TP53INP1: variants seen among roughly 807,000 people sequenced by gnomAD.
TP53INP1 encodes tumor protein p53-inducible nuclear protein 1.
TP53INP1 carries 12 observed loss-of-function variants against 21.0 expected under a neutral mutation model. The observed-to-expected ratio is 0.57, with a 90% CI of 0.37 to 0.93. The LOEUF (loss-of-function observed/expected upper bound fraction) is 0.93, where lower values mean the gene tolerates loss of function less well. Among genes scored for constraint, TP53INP1 ranks in the 40% least tolerant of loss-of-function variants. The probability of loss-of-function intolerance (pLI) is 0.01; values close to 1 mark genes in which losing one functional copy is unlikely to be tolerated. For missense variants in TP53INP1, 274 were observed against 294.7 expected (o/e 0.93, Z 0.51); for synonymous variants, 91 against 94.8 (o/e 0.96, Z 0.23).
chr8:94,937,550 A>C (rs1263034658), intron 3 of TP53INP1, among the ~76,000 whole-genome samples: 1 of 151,982 alleles, frequency 6.6e-6, no homozygotes, highest in Non-Finnish European at 1.5e-5. Context: ...AGGGATGGGG[A>C]GGAGGATGCT....
intron 1 of TP53INP1, among the ~76,000 whole-genome samples, chr8:94,941,438 T>C (rs1301888358): frequency 1.3e-5 from 2 of 152,220 alleles, no homozygotes; most frequent in Non-Finnish European, 2.9e-5. Flanking sequence ...CTATATGTTA[T>C]TCAACTGCTC....
At chr8:94,944,037 G>A (rs1236235621) in intron 1 of TP53INP1, among the ~76,000 whole-genome samples, 1 of 152,214 alleles carries the variant, frequency 6.6e-6, no homozygotes, top group Non-Finnish European at 1.5e-5. Flanking sequence ...GAGGATACAT[G>A]CTTAGAGGGA....
intron 3 of TP53INP1, among the ~76,000 whole-genome samples, chr8:94,934,817 G>C (rs960220697): frequency 2.0e-5 from 3 of 152,098 alleles, no homozygotes; most frequent in Non-Finnish European, 4.4e-5. Flanking sequence ...TTAAATTTTT[G>C]TTGGAATGCC....
rs1820005556 is a variant in TP53INP1, at chr8:94,927,594, A to G, written c.*2885T>C. 1 of 152,234 alleles carries G rather than the reference A, an allele frequency of 6.6e-6. No homozygotes were observed. The highest frequency in any genetic ancestry group is 2.1e-4 in the South Asian group (1 of 4,838). The allele number at this position is 152,234 out of a possible 1,614,324, so 9.4% of individuals were successfully genotyped here. ...ATCAACCATATAAATGCATTGCCAC[A>G]GAAGATAAATAATGGATGGCTAATT... On this transcript the variant is annotated 3_prime_UTR_variant, in exon 4 of 4. Transcript: ENST00000342697.
chr8:94,946,718 A>AAAAAAAAAAAAAAAAAAAAAAAAAAAC (rs1822048638), intron 1 of TP53INP1, among the ~76,000 whole-genome samples: 1 of 149,676 alleles, frequency 6.7e-6, no homozygotes, highest in Non-Finnish European at 1.5e-5. Flanking sequence ...AAAAAAAAAA[A>AAAAAAAAAAAAAAAAAAAAAAAAAAAC]AAGACAGGCC....
At chr8:94,948,196 C>G (rs1234957803) in intron 1 of TP53INP1, among the ~76,000 whole-genome samples, 2 of 152,192 alleles carry the variant, frequency 1.3e-5, no homozygotes, top group Non-Finnish European at 2.9e-5. Flanking sequence ...AAAACAGACT[C>G]TCCAGGTAAA....
chr8:94,938,709 A>G (rs777614803), intron 3 of TP53INP1, among the ~76,000 whole-genome samples: 1 of 152,220 alleles, frequency 6.6e-6, no homozygotes, highest in South Asian at 2.1e-4. Flanking sequence ...AGGTTCCCGG[A>G]GGGTGGGGTG....
At chr8:94,948,610 G>C (rs1822229492) in intron 1 of TP53INP1, among the ~76,000 whole-genome samples, 1 of 152,162 alleles carries the variant, frequency 6.6e-6, no homozygotes, top group African/African-American at 2.4e-5. Context: ...CAGGCGCAGG[G>C]GACGGGATCG....
At chr8:94,940,374 C>A (rs1821413039) in intron 2 of TP53INP1, among the ~76,000 whole-genome samples, 154 bp from the exon 3 acceptor site, 1 of 152,054 alleles carries the variant, frequency 6.6e-6, no homozygotes, top group South Asian at 2.1e-4. Flanking sequence ...CACGTATCTT[C>A]TTTTATTTAG....
rs1178902999 is a variant in TP53INP1, at chr8:94,940,019, G to A, written c.314C>T (p.Thr105Ile). The change falls in exon 3 of 4, where the codon ACT becomes ATT. Residue 105 changes from threonine (T) to isoleucine (I), a missense_variant. Thr to Ile is a moderately conservative substitution (Grantham distance 89, BLOSUM62 -1). Transcript: ENST00000342697. ...SWFITPPPCF[T>I]AGGLTTIKVE... ...CTTGATAGTGGTTAATCCACCTGCA[G>A]TAAAACATGGGGGTGGGGTGATAAA... The A allele has an allele frequency of 3.1e-6, 5 of 1,614,202 alleles. No individual in the cohort carries two copies. Among genetic ancestry groups the A allele is most frequent in the Non-Finnish European group, 3.4e-6 (4 of 1,180,030 alleles).
At chr8:94,935,128 T>TATAGATAGATATAG (rs1554630989) in intron 3 of TP53INP1, among the ~76,000 whole-genome samples, 158 of 144,746 alleles carry the variant, frequency 1.1e-3, no homozygotes, top group African/African-American at 4.0e-3. Flanking sequence ...GGTAGATAGA[T>TATAGATAGATATAG]ATAGATAGAT....
chr8:94,940,882 T>G lies in TP53INP1; in HGVS notation c.60A>C (p.Glu20Asp). ...CATCTTCTTTCTCATTGAATTCTGGTTCTTGGTTGGAGGAAGAACTGACTT... is the reference window on the plus strand; with the variant it reads ...CATCTTCTTTCTCATTGAATTCTGGGTCTTGGTTGGAGGAAGAACTGACTT... ...VGEVSSSSNQ[E>D]PEFNEKEDDE... The change falls in exon 2 of 4, where the codon GAA (glutamate) becomes GAC (aspartate). Residue 20 changes from glutamate to aspartate, a missense_variant. Coordinates refer to ENST00000342697, the MANE Select transcript of TP53INP1 (RefSeq NM_033285.4). 1.9e-6 allele frequency: 3 copies of G among 1,613,942 alleles called. No homozygotes were observed. Among genetic ancestry groups the G allele is most frequent in the Non-Finnish European group, 2.5e-6 (3 of 1,179,940 alleles).
intron 3 of TP53INP1, among the ~76,000 whole-genome samples, chr8:94,932,295 G>T (rs1377335691): frequency 6.6e-6 from 1 of 152,188 alleles, no homozygotes; most frequent in Non-Finnish European, 1.5e-5. Context: ...AAAATGCAAT[G>T]AAATGTATAC....
intron 3 of TP53INP1, among the ~76,000 whole-genome samples, chr8:94,938,942 G>T (rs1465333947): frequency 6.6e-6 from 1 of 152,204 alleles, no homozygotes; most frequent in Non-Finnish European, 1.5e-5. Context: ...TTGGGACTAA[G>T]CCTTTAACCT....
intron 3 of TP53INP1, among the ~76,000 whole-genome samples, chr8:94,933,837 G>GGA (rs1554630467): frequency 6.8e-6 from 1 of 148,148 alleles, no homozygotes; most frequent in Non-Finnish European, 1.5e-5. Flanking sequence ...CACTTTGTGG[G>GGA]GGGGGGGGGA....
chr8:94,937,831 TATTGTCTGGTGGTAAAA>T (rs1371405916), intron 3 of TP53INP1, among the ~76,000 whole-genome samples: 1 of 152,054 alleles, frequency 6.6e-6, no homozygotes, highest in East Asian at 1.9e-4. Context: ...AATGCAGCTG[TATTGTCTGGTGGTAAAA>T]ACAGCCTACT....
chr8:94,934,167 C>T (rs1398869951), intron 3 of TP53INP1, among the ~76,000 whole-genome samples: 1 of 150,444 alleles, frequency 6.6e-6, no homozygotes, highest in African/African-American at 2.4e-5. Context: ...AAAACACAAT[C>T]TGGAAGGATA....
At chr8:94,948,462 T>C (rs537439842) in intron 1 of TP53INP1, among the ~76,000 whole-genome samples, 6 of 152,338 alleles carry the variant, frequency 3.9e-5, no homozygotes, top group African/African-American at 1.4e-4. Flanking sequence ...GAGCGCTCTT[T>C]CCACAGGTGC....
intron 1 of TP53INP1, among the ~76,000 whole-genome samples, chr8:94,943,492 A>G (rs998739722): frequency 6.6e-6 from 1 of 152,172 alleles, no homozygotes; most frequent in African/African-American, 2.4e-5. Flanking sequence ...GTCTCAAAAA[A>G]AAGTTATATA....
Sources: allele counts gnomAD v4.1 joint callset (sites outside exome capture counted in the v4.1 genomes callset), GRCh38; gene constraint gnomAD v4.1.1; transcripts MANE v1.5; gene names NCBI Gene and HGNC (gene_info 2026-07-23, HGNC 2026-07-21).